UPRT: variants seen among roughly 807,000 people sequenced by gnomAD.
UPRT encodes the protein RP11-311P8.3.
UPRT carries 5 observed loss-of-function variants against 22.6 expected under a neutral mutation model. The ratio of observed to expected loss-of-function variants is 0.22; its 90% CI spans 0.12 to 0.47. UPRT has a LOEUF of 0.47. UPRT is among the 20% of genes least tolerant of loss of function. UPRT has a pLI of 0.99. For synonymous variants in UPRT, 77 were observed against 87.7 expected (o/e 0.88, Z 0.68); for missense variants, 181 against 239.9 (o/e 0.75, Z 1.62).
chrX:75,237,239 C>T (rs1180775481), intron 4 of UPRT, among the ~76,000 whole-genome samples: 1 of 111,934 alleles, frequency 8.9e-6, no homozygotes, highest in African/African-American at 3.3e-5. Flanking sequence ...CAAATCAAAA[C>T]CACAATGAGA....
At chrX:75,268,842 C>T in intron 4 of UPRT, among the ~76,000 whole-genome samples, 1 of 111,947 alleles carries the variant, frequency 8.9e-6, no homozygotes, top group Middle Eastern at 4.6e-3. Context: ...CCTTTGAAAA[C>T]CAGCACAAGA....
intron 4 of UPRT, among the ~76,000 whole-genome samples, chrX:75,255,830 T>C (rs1211658862): frequency 1.8e-5 from 2 of 111,900 alleles, no homozygotes; most frequent in Non-Finnish European, 1.9e-5. Flanking sequence ...TAAACATATA[T>C]GCACTTAACA....
upstream of UPRT, among the ~76,000 whole-genome samples, chrX:75,273,338 A>C (rs2082617991): frequency 9.0e-6 from 1 of 111,158 alleles, no homozygotes; most frequent in Admixed American, 9.6e-5. Context: ...GTTAAAAAAA[A>C]AAAAAGATTC....
chrX:75,199,889 C>T (rs920718460), intron 4 of UPRT, among the ~76,000 whole-genome samples: 4 of 111,973 alleles, frequency 3.6e-5, no homozygotes, highest in East Asian at 2.8e-4. Context: ...TTCTCCACAT[C>T]CTCCCCAGCA....
intron 4 of UPRT, among the ~76,000 whole-genome samples, chrX:75,185,764 C>T (rs1487053025): frequency 5.4e-5 from 6 of 111,696 alleles, no homozygotes; most frequent in Admixed American, 9.5e-5. Context: ...GTGTATGTGT[C>T]GATGAATTTA....
At chrX:75,261,302 C>G (rs1469522966) in intron 4 of UPRT, among the ~76,000 whole-genome samples, 1 of 109,373 alleles carries the variant, frequency 9.1e-6, no homozygotes, top group African/African-American at 3.3e-5. Context: ...ACAAAAAAAT[C>G]AATGAATCCA....
chrX:75,253,597 G>A (rs1184450898), intron 4 of UPRT, among the ~76,000 whole-genome samples: 1 of 111,875 alleles, frequency 8.9e-6, no homozygotes, highest in Non-Finnish European at 1.9e-5. Context: ...TGACTCCGAT[G>A]GACAGAGCAG....
chrX:75,271,305 C>T (rs1344409812), upstream of UPRT, among the ~76,000 whole-genome samples: 1 of 112,008 alleles, frequency 8.9e-6, no homozygotes, highest in Non-Finnish European at 1.9e-5. Flanking sequence ...AATATACCCA[C>T]AGACCAATGG....
chrX:75,223,298 T>C (rs2082415214), intron 4 of UPRT, among the ~76,000 whole-genome samples: 1 of 109,884 alleles, frequency 9.1e-6, no homozygotes, highest in South Asian at 3.9e-4. Flanking sequence ...TTAGGCTGGC[T>C]GTCTGGTGTT....
At chrX:75,272,330 G>A (rs866411560), upstream of UPRT, among the ~76,000 whole-genome samples, 4 of 45,451 alleles carry the variant, frequency 8.8e-5, no homozygotes, top group South Asian at 1.1e-3. Context: ...ACATATATAT[G>A]TATATATATA....
chrX:75,178,261 G>A (rs1225296472), intron 4 of UPRT, among the ~76,000 whole-genome samples: 1 of 112,035 alleles, frequency 8.9e-6, no homozygotes, highest in Non-Finnish European at 1.9e-5. Context: ...TTAACTGGCC[G>A]ACAGGTGCCC....
At chrX:75,251,318 G>A (rs191441101) in intron 4 of UPRT, among the ~76,000 whole-genome samples, 256 of 111,405 alleles carry the variant, frequency 2.3e-3, no homozygotes, top group African/African-American at 7.9e-3. Context: ...AAACCCGATC[G>A]TCTCAGCCCA....
At chrX:75,169,702 A>G (rs2082221584) in intron 4 of UPRT, among the ~76,000 whole-genome samples, 1 of 111,781 alleles carries the variant, frequency 8.9e-6, no homozygotes, top group African/African-American at 3.3e-5. Flanking sequence ...CATGTGTTCT[A>G]TCTTGCAGAA....
At chrX:75,267,205 T>C (rs1271821710) in intron 4 of UPRT, among the ~76,000 whole-genome samples, 1 of 111,938 alleles carries the variant, frequency 8.9e-6, no homozygotes. Flanking sequence ...CCATCAGTGA[T>C]AGATTGGATT....
At chrX:75,176,349 G>A (rs996351124) in intron 4 of UPRT, among the ~76,000 whole-genome samples, 14 of 110,886 alleles carry the variant, frequency 1.3e-4, no homozygotes, top group Non-Finnish European at 2.6e-4. Flanking sequence ...CCAAACTCTC[G>A]GGCTGCAGCT....
chrX:75,216,585 G>T (rs2147631477), intron 4 of UPRT, among the ~76,000 whole-genome samples: 1 of 111,876 alleles, frequency 8.9e-6, no homozygotes, highest in East Asian at 2.8e-4. Context: ...AGTATTTTTG[G>T]TTTTGAATGA....
rs2645642 is a variant in UPRT at position 75,180,694 on chromosome X, T to G, written c.-447+12815T>G. ...CCCCTTTTCTCTGTTTTTTTTTTTT[T>G]GTTTTTTTTTTTTTTTTTTTTTTTT... is the stretch of plus-strand genomic sequence containing the variant. On this transcript the variant is annotated intron_variant, in intron 4 of 13. Coordinates refer to the UPRT transcript ENST00000652605. 5.3e-3 allele frequency among the ~76,000 whole-genome samples: 131 copies of G among 24,772 alleles called. 7 individuals carry two copies. The highest frequency in any genetic ancestry group is 7.1e-3 in the African/African-American group (83 of 11,677). 21.5% of individuals were successfully genotyped at this position (24,772 alleles called of 115,157 possible).
intron 4 of UPRT, among the ~76,000 whole-genome samples, chrX:75,184,883 T>A (rs944179654): frequency 4.5e-5 from 5 of 111,790 alleles, no homozygotes; most frequent in Admixed American, 2.9e-4. Flanking sequence ...ATCCCGAGAC[T>A]TTGCTGAAGT....
At chrX:75,287,795 G>C (rs1307732607) in intron 1 of UPRT, among the ~76,000 whole-genome samples, 1 of 111,217 alleles carries the variant, frequency 9.0e-6, no homozygotes, top group East Asian at 2.8e-4. Flanking sequence ...TAACCCCAAA[G>C]CTAGCAGAAG....
Sources: gnomAD v4.1 joint callset for allele counts (sites outside exome capture counted in the v4.1 genomes callset) on GRCh38, gnomAD v4.1.1 for gene constraint, MANE v1.5 for transcripts, NCBI Gene and HGNC (gene_info 2026-07-23, HGNC 2026-07-21) for gene names.